TMPRSS7: variants seen among roughly 807,000 people sequenced by gnomAD.
TMPRSS7 encodes the protein transmembrane serine protease 7.
TMPRSS7 carries 81 observed loss-of-function variants against 95.6 expected under a neutral mutation model. The ratio of observed to expected loss-of-function variants is 0.85; its 90% CI spans 0.71 to 1.02. The LOEUF is 1.02. Among genes scored for constraint, TMPRSS7 ranks in the 50% least tolerant of loss-of-function variants. The pLI, the probability that TMPRSS7 is intolerant of heterozygous loss-of-function variation, is 0.00. For synonymous variants in TMPRSS7, 364 were observed against 337.8 expected (o/e 1.08, Z -0.85); for missense variants, 945 against 955.2 (o/e 0.99, Z 0.14).
intron 13 of TMPRSS7, among the ~76,000 whole-genome samples, chr3:112,073,335 CCACCCGCCT>C (rs1197060349): frequency 1.3e-5 from 2 of 151,970 alleles, no homozygotes; most frequent in Non-Finnish European, 2.9e-5. Flanking sequence ...CTCAGGCAAT[CCACCCGCCT>C]CAGCCTCCCA....
intron 10 of TMPRSS7, 111 bp downstream of exon 10, chr3:112,057,242 T>C: frequency 1.3e-6 from 1 of 748,620 alleles, no homozygotes; most frequent in Non-Finnish European, 2.2e-6. Flanking sequence ...TTAGGGAAAC[T>C]GAGGGATATA....
At chr3:112,080,803 C>A in intron 17 of TMPRSS7, 111 bp from the exon 18 acceptor site, 2 of 1,076,826 alleles carry the variant, frequency 1.9e-6, no homozygotes, top group Middle Eastern at 2.2e-4. Context: ...ATTAGCCAAG[C>A]AAAAACATGT....
chr3:112,047,114 G>T, intron 6 of TMPRSS7, 102 bp downstream of exon 6: 1 of 670,118 alleles, frequency 1.5e-6, no homozygotes, highest in Non-Finnish European at 2.7e-6. Flanking sequence ...TCTTTTAATT[G>T]CAAGTGACAG....
intron 10 of TMPRSS7, among the ~76,000 whole-genome samples, chr3:112,058,889 C>T (rs1289961907): frequency 6.6e-6 from 1 of 152,204 alleles, no homozygotes; most frequent in African/African-American, 2.4e-5. Flanking sequence ...GGCTGAAATC[C>T]TATCAGATTC....
At chr3:112,077,605 TA>T (rs1259518801) in intron 16 of TMPRSS7, among the ~76,000 whole-genome samples, 1 of 152,054 alleles carries the variant, frequency 6.6e-6, no homozygotes, top group Non-Finnish European at 1.5e-5. Context: ...GGGATGAGAG[TA>T]AGGGCTGAAC....
At chr3:112,046,302 A>G (rs2107739959) in intron 5 of TMPRSS7, among the ~76,000 whole-genome samples, 1 of 152,288 alleles carries the variant, frequency 6.6e-6, no homozygotes, top group South Asian at 2.1e-4. Context: ...GCCCAGACAG[A>G]ACTGTCCCTT....
chr3:112,056,997 T>C, intron 9 of TMPRSS7, 28 bp from the exon 10 acceptor site: 1 of 1,498,224 alleles, frequency 6.7e-7, no homozygotes, highest in Non-Finnish European at 9.2e-7. Context: ...TGAAGCATTT[T>C]TTTCTGACTT....
At chr3:112,047,781 T>A in exon 7 of TMPRSS7, 1 of 1,614,064 alleles carries the variant, frequency 6.2e-7, no homozygotes, top group South Asian at 1.1e-5. Flanking sequence ...CATCTGTCTC[T>A]CCACTACCCG....
At chr3:112,067,095 T>C (rs2073587197) in intron 13 of TMPRSS7, among the ~76,000 whole-genome samples, 1 of 152,218 alleles carries the variant, frequency 6.6e-6, no homozygotes. Context: ...TTTTCCGTCC[T>C]TGTGATAGTT....
At chr3:112,074,408 C>A (rs762923495) in exon 14 of TMPRSS7, 2 of 1,608,688 alleles carry the variant, frequency 1.2e-6, no homozygotes, top group South Asian at 2.2e-5. Flanking sequence ...ATGAAGAAGG[C>A]TGCAGTAAGT....
chr3:112,070,466 T>G (rs1263333415), intron 13 of TMPRSS7, among the ~76,000 whole-genome samples: 1 of 152,218 alleles, frequency 6.6e-6, no homozygotes, highest in Non-Finnish European at 1.5e-5. Flanking sequence ...GGAGTCTAAG[T>G]CTCTTTGTAG....
Position 112,051,668 on chromosome 3 carries a change from C to CATCTATCTATCTATCTATCT in TMPRSS7, c.1203+894_1203+913dup, listed in dbSNP as rs5851813. 5.0e-3 allele frequency among the ~76,000 whole-genome samples: 640 copies of CATCTATCTATCTATCTATCT among 128,048 alleles called. 4 individuals carry two copies. Among genetic ancestry groups the CATCTATCTATCTATCTATCT allele is most frequent in the Admixed American group, 8.0e-3 (99 of 12,400 alleles). The allele number at this position is 128,048 out of a possible 152,430, so 84.0% of individuals were successfully genotyped here. On this transcript the variant is annotated intron_variant, in intron 9 of 17. Coordinates refer to ENST00000452346, the Ensembl canonical transcript of TMPRSS7. ...TCTATCTATCTATCTATCTATCTATCATCTATCTATCTATCTATCTATCTA... is the reference window on the plus strand; with the variant it reads ...TCTATCTATCTATCTATCTATCTATCATCTATCTATCTATCTATCTATCTATCTATCTATCTATCTATCTA...
chr3:112,038,286 C>A (rs114968688), exon 2 of TMPRSS7: 1 of 702,754 alleles, frequency 1.4e-6, no homozygotes, highest in Non-Finnish European at 2.6e-6. Context: ...TTCATCCTAG[C>A]AGTCATAGCC....
At chr3:112,057,050 C>T (rs1185503257) in exon 10 of TMPRSS7, 8 of 1,611,464 alleles carry the variant, frequency 5.0e-6, no homozygotes, top group Non-Finnish European at 5.9e-6. Flanking sequence ...CTTGGCATAG[C>T]ACTGAAATTC....
intron 2 of TMPRSS7, chr3:112,039,550 C>T (rs772994183): frequency 2.0e-5 from 3 of 152,138 alleles, no homozygotes; most frequent in South Asian, 4.1e-4. Flanking sequence ...AGCTTAATCA[C>T]GAATGCACAA....
rs79774235 is a variant in TMPRSS7 at position 112,078,573 on chromosome 3, A to G, written c.2225-169A>G. 1.7e-3 allele frequency among the ~76,000 whole-genome samples: 261 copies of G among 152,314 alleles called. 7 individuals carry two copies. In the East Asian group the frequency reaches 0.044, roughly 26 times the overall value. ...CACTGGGCAAGCCCTTTAATCTCCT[A>G]GCACTCGATTTCTTCATCAGCAAAA... On this transcript the variant is annotated intron_variant, in intron 16 of 17. Coordinates refer to ENST00000452346, the Ensembl canonical transcript of TMPRSS7.
intron 13 of TMPRSS7, among the ~76,000 whole-genome samples, chr3:112,068,769 T>C (rs56296298): frequency 0.031 from 4,721 of 152,164 alleles, 185 homozygotes; most frequent in African/African-American, 0.088. Context: ...CATCTGCAAA[T>C]AGGGGCAATT....
chr3:112,051,139 G>A (rs1023829021), intron 9 of TMPRSS7, among the ~76,000 whole-genome samples: 3 of 151,998 alleles, frequency 2.0e-5, no homozygotes, highest in Admixed American at 1.3e-4. Flanking sequence ...AATTGGATTA[G>A]GCAATACAGT....
At chr3:112,074,718 T>C (rs1372598729) in intron 14 of TMPRSS7, among the ~76,000 whole-genome samples, 2 of 152,050 alleles carry the variant, frequency 1.3e-5, no homozygotes, top group East Asian at 3.9e-4. Flanking sequence ...AAATAGAAAC[T>C]GGAACGCAGT....
Sources: allele counts gnomAD v4.1 joint callset (sites outside exome capture counted in the v4.1 genomes callset), GRCh38; gene constraint gnomAD v4.1.1; transcripts MANE v1.5; gene names NCBI Gene and HGNC (gene_info 2026-07-23, HGNC 2026-07-21).